EIF2B3: variants seen among roughly 807,000 people sequenced by gnomAD.
EIF2B3 encodes translation initiation factor eIF2B subunit gamma.
Under a neutral mutation model 54.1 loss-of-function variants are expected in EIF2B3, and 20 were observed. That is an observed-to-expected ratio of 0.37 (90% confidence interval 0.26 to 0.54). EIF2B3 has a LOEUF of 0.54. Ranked by LOEUF, EIF2B3 falls within the 20% of genes least tolerant of loss-of-function variation. EIF2B3 has a pLI of 0.86. For missense variants in EIF2B3, 448 were observed against 547.8 expected (o/e 0.82, Z 1.82); for synonymous variants, 153 against 188.1 (o/e 0.81, Z 1.52).
intron 3 of EIF2B3, among the ~76,000 whole-genome samples, chr1:44,968,924 A>T (rs948924955): frequency 6.6e-6 from 1 of 152,094 alleles, no homozygotes; most frequent in Non-Finnish European, 1.5e-5. Flanking sequence ...TACATTTAAT[A>T]TACTCAAGGA....
Position 44,850,703 on chromosome 1 carries a change from A to C in EIF2B3, c.*248T>G. The stretch of plus-strand genomic sequence containing the variant: ...CCCCACCGATACATCTTGGCACACA[A>C]GAGTTAGGCCACTGTATCTGTCCTG... On this transcript the variant is annotated 3_prime_UTR_variant, in exon 12 of 12. Transcript: ENST00000360403. 1.8e-6 allele frequency: 1 copy of C among 553,724 alleles called. No homozygotes were observed. The highest frequency in any genetic ancestry group is 3.2e-6 in the Non-Finnish European group (1 of 310,534). The allele number at this position is 553,724 out of a possible 1,614,324, so 34.3% of individuals were successfully genotyped here. A position where few individuals can be genotyped will look rare whatever the true frequency, so the allele number is the denominator to read the frequency against.
At chr1:44,958,809 G>A (rs906902371) in intron 3 of EIF2B3, 4 of 1,195,078 alleles carry the variant, frequency 3.3e-6, no homozygotes, top group East Asian at 4.7e-5. Flanking sequence ...ACAAGAGATC[G>A]TGTTGGACGT....
chr1:44,873,053 G>A (rs558462938), intron 10 of EIF2B3, among the ~76,000 whole-genome samples: 2 of 152,266 alleles, frequency 1.3e-5, no homozygotes, highest in South Asian at 2.1e-4. Context: ...GGCTATAGTG[G>A]AATAATTTAC....
chr1:44,868,168 G>T (rs1654841775), intron 10 of EIF2B3, among the ~76,000 whole-genome samples: 1 of 152,074 alleles, frequency 6.6e-6, no homozygotes, highest in Non-Finnish European at 1.5e-5. Flanking sequence ...GGAGGCCGAG[G>T]CGAGCGGATC....
chr1:44,909,686 C>T (rs1375170120), intron 5 of EIF2B3, among the ~76,000 whole-genome samples: 1 of 152,178 alleles, frequency 6.6e-6, no homozygotes, highest in Non-Finnish European at 1.5e-5. Context: ...TAAGAATACA[C>T]TGGACAAGAT....
At chr1:44,851,746 A>C (rs1026720619) in intron 11 of EIF2B3, among the ~76,000 whole-genome samples, 2 of 152,192 alleles carry the variant, frequency 1.3e-5, no homozygotes, top group African/African-American at 4.8e-5. Context: ...AATACCTCAT[A>C]TATAATATGG....
At chr1:44,853,133 T>TG (rs2148890967) in intron 11 of EIF2B3, among the ~76,000 whole-genome samples, 1 of 152,088 alleles carries the variant, frequency 6.6e-6, no homozygotes, top group Admixed American at 6.5e-5. Flanking sequence ...TGATCAATGA[T>TG]GCGGTGAAAG....
At chr1:44,896,598 C>T (rs1353025834) in intron 6 of EIF2B3, among the ~76,000 whole-genome samples, 1 of 152,214 alleles carries the variant, frequency 6.6e-6, no homozygotes, top group Non-Finnish European at 1.5e-5. Flanking sequence ...CACTGGTGAA[C>T]TTTCCAAACT....
Position 44,924,232 on chromosome 1 carries a change from G to A in EIF2B3, c.566+2396C>T, listed in dbSNP as rs186881740. 1.3e-3 allele frequency among the ~76,000 whole-genome samples: 192 copies of A among 152,070 alleles called. 3 individuals carry two copies. The East Asian group carries it at 0.026, about 21-fold the overall frequency. ...TGGGATTACAGGCGTGAGCCACCGC[G>A]CCCAGCCAGAGATTCTAATTTCTTA... On this transcript the variant is annotated intron_variant, in intron 5 of 11. Transcript: ENST00000360403.
intron 1 of EIF2B3, among the ~76,000 whole-genome samples, chr1:44,984,797 CTTTTTTT>C (rs71040529): frequency 2.3e-5 from 2 of 88,576 alleles, no homozygotes; most frequent in African/African-American, 5.4e-5. Context: ...TAATGTCCAT[CTTTTTTT>C]TTTTTTTTTT....
chr1:44,919,320 A>G (rs1643689794), intron 5 of EIF2B3, among the ~76,000 whole-genome samples: 1 of 151,614 alleles, frequency 6.6e-6, no homozygotes, highest in Admixed American at 6.6e-5. Flanking sequence ...ACTGCACTCC[A>G]GCCTGGGCAA....
intron 5 of EIF2B3, among the ~76,000 whole-genome samples, chr1:44,902,573 A>G (rs1003940510): frequency 3.3e-5 from 5 of 152,042 alleles, no homozygotes; most frequent in Non-Finnish European, 7.4e-5. Context: ...TGTAATCCCA[A>G]CACTTTGGGA....
chr1:44,881,829 TC>T lies in EIF2B3; in HGVS notation c.657-91del, dbSNP rs1403719275. Reference sequence around the variant, plus strand: ...TCTGTGCATACAAGGAAAAGCCAAATCCTTTCCTGTCATGGCACCTTGGGAC... The same window carrying T: ...TCTGTGCATACAAGGAAAAGCCAAATCTTTCCTGTCATGGCACCTTGGGAC... On this transcript the variant is annotated intron_variant, in intron 6 of 11. Transcript: ENST00000360403. The surrounding 1 kb of genome is among the most constrained non-coding windows in gnomAD (Gnocchi z 4.0). 6.5e-7 allele frequency: 1 copy of T among 1,540,976 alleles called. No homozygotes were observed. Among genetic ancestry groups the T allele is most frequent in the East Asian group, 2.3e-5 (1 of 42,806 alleles).
chr1:44,912,651 G>C (rs1301998762), intron 5 of EIF2B3, among the ~76,000 whole-genome samples: 1 of 152,104 alleles, frequency 6.6e-6, no homozygotes, highest in African/African-American at 2.4e-5. Context: ...AATCCTTCAA[G>C]TCTGAATTAT....
chr1:44,855,722 A>AT (rs764414567), intron 11 of EIF2B3, among the ~76,000 whole-genome samples: 1 of 151,942 alleles, frequency 6.6e-6, no homozygotes, highest in Non-Finnish European at 1.5e-5. Flanking sequence ...ACACTTGGCT[A>AT]TTTTTTGTAT....
At chr1:44,902,188 T>G (rs1643320389) in intron 5 of EIF2B3, among the ~76,000 whole-genome samples, 1 of 152,240 alleles carries the variant, frequency 6.6e-6, no homozygotes, top group Non-Finnish European at 1.5e-5. Context: ...AGTACCATAC[T>G]TGTCTTGACT....
intron 3 of EIF2B3, among the ~76,000 whole-genome samples, chr1:44,966,165 C>T (rs554943034): frequency 1.2e-4 from 18 of 152,070 alleles, no homozygotes; most frequent in East Asian, 1.9e-4. Flanking sequence ...GAAGGCCGGG[C>T]GCAGTGGCTC....
At chr1:44,888,669 T>C (rs1331984513) in intron 6 of EIF2B3, among the ~76,000 whole-genome samples, 1 of 152,172 alleles carries the variant, frequency 6.6e-6, no homozygotes, top group Non-Finnish European at 1.5e-5. Flanking sequence ...TACCTTAGGA[T>C]AGAACAGGGG....
At chr1:44,958,740 G>A in intron 3 of EIF2B3, 1 of 1,574,976 alleles carries the variant, frequency 6.3e-7, no homozygotes, top group Admixed American at 1.7e-5. Flanking sequence ...GCTAGATATT[G>A]TCCGCACAGA....
Sources: gnomAD v4.1 joint callset for allele counts (sites outside exome capture counted in the v4.1 genomes callset) on GRCh38, gnomAD v4.1.1 for gene constraint, Gnocchi (gnomAD v3.1) non-coding constraint, MANE v1.5 for transcripts, NCBI Gene and HGNC (gene_info 2026-07-23, HGNC 2026-07-21) for gene names.